Variants in FAM117B observed in about 807,000 individuals in gnomAD.
FAM117B encodes the protein family with sequence similarity 117 member B, also known as protein FAM117B.
A neutral mutation model predicts 52.8 loss-of-function variants in FAM117B; 22 were observed. The ratio of observed to expected loss-of-function variants is 0.42; its 90% CI spans 0.30 to 0.59. FAM117B has a LOEUF of 0.59. FAM117B is among the 20% of genes least tolerant of loss of function. FAM117B has a pLI of 0.22. For synonymous variants in FAM117B, 309 were observed against 324.1 expected, an observed-to-expected ratio of 0.95 and a Z score of 0.50; for missense variants, 678 against 802.6, an observed-to-expected ratio of 0.84 and a Z score of 1.88.
intron 1 of FAM117B, among the ~76,000 whole-genome samples, chr2:202,691,682 TGTGTGTGTGTGTGTGTGC>T (rs1490298363): frequency 4.5e-4 from 68 of 150,268 alleles, no homozygotes; most frequent in African/African-American, 1.4e-3. Context: ...TGTGTGTGTG[TGTGTGTGTGTGTGTGTGC>T]GCGCGCGCCT....
At chr2:202,735,927 C>G (rs1245988904) in intron 4 of FAM117B, among the ~76,000 whole-genome samples, 2 of 152,166 alleles carry the variant, frequency 1.3e-5, no homozygotes, top group African/African-American at 2.4e-5. Flanking sequence ...AATGCTATCC[C>G]TACCCCCGAG....
Position 202,635,240 on chromosome 2 carries a change from G to C in FAM117B, c.53G>C (p.Gly18Ala), listed in dbSNP as rs1345929608. ...NGSPTPAGSL[G>A]GGAVATAGGP... is the part of the protein sequence containing the mutation. ...TCCCCCACGCCGGCCGGCTCCCTTG[G>C]GGGTGGTGCGGTGGCCACGGCCGGG... The change falls in exon 1 of 8, where the codon GGG becomes GCG. Residue 18 changes from glycine to alanine, a missense_variant. Gly to Ala is a moderately conservative substitution (Grantham distance 60). Transcript: ENST00000392238. The C allele has an allele frequency of 5.1e-5, 68 of 1,339,538 alleles. No individual in the cohort carries two copies. Among genetic ancestry groups the C allele is most frequent in the African/African-American group, 6.1e-5 (4 of 65,742 alleles). The allele number at this position is 1,339,538 out of a possible 1,614,324, so 83.0% of individuals were successfully genotyped here.
chr2:202,700,527 T>A (rs999059527), intron 2 of FAM117B, among the ~76,000 whole-genome samples: 1 of 152,192 alleles, frequency 6.6e-6, no homozygotes, highest in African/African-American at 2.4e-5. Flanking sequence ...GAAGAAAAGT[T>A]TGAAGCTAAC....
intron 2 of FAM117B, among the ~76,000 whole-genome samples, chr2:202,699,236 G>A (rs949134050): frequency 2.6e-5 from 4 of 151,780 alleles, no homozygotes; most frequent in African/African-American, 9.7e-5. Flanking sequence ...AGACCAGCCT[G>A]ACCAATATGG....
rs780028124 is a variant in FAM117B, at chr2:202,654,062, T to TGAGTGAGAGAGA, written c.601+18277_601+18278insTGAGAGAGAGAG. Among the ~76,000 whole-genome samples the TGAGTGAGAGAGA allele has an allele frequency of 4.7e-4, 63 of 134,854 alleles. 1 individual carries two copies. The highest frequency in any genetic ancestry group is 1.6e-3 in the African/African-American group (59 of 36,898). 88.5% of individuals were successfully genotyped at this position (134,854 alleles called of 152,430 possible). A position where few individuals can be genotyped will look rare whatever the true frequency, so the allele number is the denominator to read the frequency against. ...GGAGGGGGTGCGGGAAGAGAGTGAG[T>TGAGTGAGAGAGA]GAGAGAGAGAGAGAGAGAGAGAGAG... On this transcript the variant is annotated intron_variant, in intron 1 of 7. Coordinates refer to ENST00000392238, the MANE Select transcript of FAM117B (RefSeq NM_173511.4).
chr2:202,717,295 AT>A (rs556375616), intron 2 of FAM117B, among the ~76,000 whole-genome samples: 27 of 152,244 alleles, frequency 1.8e-4, no homozygotes, highest in African/African-American at 4.8e-4. Context: ...ACATGGTGAA[AT>A]CCCATCTCTA....
rs1491121882 is a variant in FAM117B, at chr2:202,766,106, A to ACACACACACACACAC, written c.*343_*344insACACACACACACACC. Reference sequence around the variant, plus strand: ...CACACACACACACACACACACACACACCCCTGATCCTTGCCAACATGATTC... The same window carrying ACACACACACACACAC: ...CACACACACACACACACACACACACACACACACACACACACCCCCTGATCCTTGCCAACATGATTC... On this transcript the variant is annotated 3_prime_UTR_variant, in exon 8 of 8. Transcript: ENST00000392238. The ACACACACACACACAC allele has an allele frequency of 1.2e-5, 2 of 167,512 alleles. No homozygotes were observed. Among genetic ancestry groups the ACACACACACACACAC allele is most frequent in the African/African-American group, 5.6e-5 (2 of 36,028 alleles). The allele number at this position is 167,512 out of a possible 1,614,324, so 10.4% of individuals were successfully genotyped here.
At chr2:202,731,754 C>T (rs1436687148) in intron 4 of FAM117B, among the ~76,000 whole-genome samples, 3 of 144,794 alleles carry the variant, frequency 2.1e-5, no homozygotes, top group Admixed American at 6.9e-5. Flanking sequence ...TGTTTGTTTG[C>T]GACGGAGTTT....
At chr2:202,691,681 G>A (rs1290089639) in intron 1 of FAM117B, among the ~76,000 whole-genome samples, 5 of 150,674 alleles carry the variant, frequency 3.3e-5, no homozygotes, top group African/African-American at 9.8e-5. Flanking sequence ...GTGTGTGTGT[G>A]TGTGTGTGTG....
At chr2:202,683,920 G>A (rs1373896515) in intron 1 of FAM117B, among the ~76,000 whole-genome samples, 1 of 151,724 alleles carries the variant, frequency 6.6e-6, no homozygotes. Context: ...AGGCTGGAGT[G>A]CAGTGGCGCG....
chr2:202,719,318 T>C (rs1691112871), intron 2 of FAM117B, among the ~76,000 whole-genome samples: 1 of 152,216 alleles, frequency 6.6e-6, no homozygotes, highest in Non-Finnish European at 1.5e-5. Context: ...ATCTTTAATT[T>C]GTTCTTAATA....
chr2:202,675,984 C>CAAAA (rs778502048), intron 1 of FAM117B, among the ~76,000 whole-genome samples: 12 of 56,642 alleles, frequency 2.1e-4, no homozygotes, highest in African/African-American at 5.2e-4. Flanking sequence ...GACACAGTCT[C>CAAAA]AAAAAAAAAA....
chr2:202,721,135 A>AC (rs1691145521), intron 2 of FAM117B, among the ~76,000 whole-genome samples: 1 of 150,888 alleles, frequency 6.6e-6, no homozygotes, highest in Admixed American at 6.6e-5. Context: ...AGAGGTATAA[A>AC]CCAACTTTTT....
At chr2:202,740,053 G>A (rs1372153384) in intron 4 of FAM117B, among the ~76,000 whole-genome samples, 5 of 150,984 alleles carry the variant, frequency 3.3e-5, no homozygotes, top group Non-Finnish European at 7.4e-5. Flanking sequence ...GGCGCCTGTA[G>A]TCCCAGCTAC....
intron 2 of FAM117B, among the ~76,000 whole-genome samples, chr2:202,713,645 T>G (rs1690990822): frequency 6.6e-6 from 1 of 152,214 alleles, no homozygotes; most frequent in African/African-American, 2.4e-5. Flanking sequence ...GTAGGCACTT[T>G]TAGCTGTAAA....
At chr2:202,658,236 C>T (rs1302738867) in intron 1 of FAM117B, among the ~76,000 whole-genome samples, 4 of 152,122 alleles carry the variant, frequency 2.6e-5, no homozygotes, top group Non-Finnish European at 4.4e-5. Flanking sequence ...TGAAGATCTA[C>T]ATTTAGCATT....
intron 1 of FAM117B, among the ~76,000 whole-genome samples, chr2:202,671,246 C>G (rs774973531): frequency 6.6e-6 from 1 of 152,158 alleles, no homozygotes; most frequent in Non-Finnish European, 1.5e-5. Flanking sequence ...CCAAATAGTT[C>G]ATTTAAGAAT....
At chr2:202,639,248 C>T (rs1440013531) in intron 1 of FAM117B, among the ~76,000 whole-genome samples, 1 of 152,190 alleles carries the variant, frequency 6.6e-6, no homozygotes, top group East Asian at 1.9e-4. Flanking sequence ...TGTTAGGGAT[C>T]CGGTATCTCA....
chr2:202,713,433 TA>T, intron 2 of FAM117B, among the ~76,000 whole-genome samples: 1 of 152,320 alleles, frequency 6.6e-6, no homozygotes, highest in East Asian at 1.9e-4. Context: ...TTAGTCTGGC[TA>T]AAGATTTGTC....
Sources: gnomAD v4.1 joint callset for allele counts (sites outside exome capture counted in the v4.1 genomes callset) on GRCh38, gnomAD v4.1.1 for gene constraint, MANE v1.5 for transcripts, NCBI Gene and HGNC (gene_info 2026-07-23, HGNC 2026-07-21) for gene names.